The following RAB13 variants were observed in gnomAD, a reference collection of about 807,000 sequenced individuals.
RAB13 encodes ras-related protein Rab-13.
Under a neutral mutation model 29.3 loss-of-function variants are expected in RAB13, and 15 were observed. The ratio of observed to expected loss-of-function variants is 0.51; its 90% CI spans 0.34 to 0.79. The LOEUF is 0.79. Among genes scored for constraint, RAB13 ranks in the 30% least tolerant of loss-of-function variants. RAB13 has a pLI of 0.01. For synonymous variants in RAB13, 82 were observed against 93.8 expected, an observed-to-expected ratio of 0.87 and a Z score of 0.73; for missense variants, 186 against 255.5, an observed-to-expected ratio of 0.73 and a Z score of 1.85.
intron 1 of RAB13, among the ~76,000 whole-genome samples, chr1:153,985,816 AG>A (rs1411190394): frequency 6.6e-6 from 1 of 152,120 alleles, no homozygotes; most frequent in Non-Finnish European, 1.5e-5. Flanking sequence ...GTAGGGGAAG[AG>A]GGGAACAGAG....
At chr1:153,990,690 A>G, upstream of RAB13, 1 of 1,478,722 alleles carries the variant, frequency 6.8e-7, no homozygotes, top group South Asian at 1.1e-5. Flanking sequence ...CGTTCCAAAC[A>G]TGGTGGCACA....
chr1:153,982,046 G>T lies in RAB13; in HGVS notation c.*53C>A. The T allele has an allele frequency of 1.3e-6, 2 of 1,492,792 alleles. No individual in the cohort carries two copies. Among genetic ancestry groups the T allele is most frequent in the Non-Finnish European group, 1.9e-6 (2 of 1,071,136 alleles). 92.5% of individuals were successfully genotyped at this position (1,492,792 alleles called of 1,614,324 possible). Reference sequence around the variant, plus strand: ...TATTTCTCCCCTGCTCACTCCCTCTGCCGTTGTCTCCCTCAGGTTCAGCTT... The same window carrying T: ...TATTTCTCCCCTGCTCACTCCCTCTTCCGTTGTCTCCCTCAGGTTCAGCTT... On this transcript the variant is annotated 3_prime_UTR_variant, in exon 8 of 8. Coordinates refer to ENST00000368575, the MANE Select transcript of RAB13 (RefSeq NM_002870.5).
upstream of RAB13, among the ~76,000 whole-genome samples, chr1:153,989,607 T>TA (rs1453324278): frequency 6.6e-6 from 1 of 151,630 alleles, no homozygotes; most frequent in Non-Finnish European, 1.5e-5. Context: ...TATAAAAAAT[T>TA]AAAGGCCGGA....
Position 153,986,274 on chromosome 1 carries a change from G to T in RAB13, c.-38C>A. The T allele has an allele frequency of 6.4e-7, 1 of 1,565,116 alleles. No individual in the cohort carries two copies. The highest frequency in any genetic ancestry group is 1.1e-5 in the South Asian group (1 of 88,378). On this transcript the variant is annotated 5_prime_UTR_variant, in exon 1 of 8. Transcript: ENST00000368575. The stretch of plus-strand genomic sequence containing the variant: ...GGGAGCCGGGGGAGGGGTGGGGAGC[G>T]CCCGGCACTGGTAGGCGGGACTGGA...
chr1:153,982,838 T>C, intron 4 of RAB13, 30 bp from the exon 5 acceptor site: 3 of 1,611,258 alleles, frequency 1.9e-6, no homozygotes, highest in Non-Finnish European at 2.5e-6. Flanking sequence ...AAAAGTTAGG[T>C]CCTGCCGGCT....
chr1:153,984,671 T>C (rs1355653106), intron 2 of RAB13, 50 bp downstream of exon 2: 2 of 1,481,324 alleles, frequency 1.4e-6, no homozygotes, highest in Non-Finnish European at 1.9e-6. Context: ...GAAAAACGTG[T>C]AGGAGGTAAA....
At chr1:153,987,510 C>G (rs1325214194), upstream of RAB13, among the ~76,000 whole-genome samples, 1 of 65,174 alleles carries the variant, frequency 1.5e-5, no homozygotes, top group Non-Finnish European at 3.1e-5. Context: ...AGCCAGACTC[C>G]GTCTCAAAAA....
Position 153,983,242 on chromosome 1 carries a change from T to G in RAB13, c.301A>C (p.Asn101His). ...TDEKSFENIQNWMKSIKENAS... is the reference protein window; with the variant it reads ...TDEKSFENIQHWMKSIKENAS... Reference sequence around the variant, plus strand: ...ACCTCCTTGATGCTTTTCATCCAGTTCTGAATATTCTCGAAAGATTTCTCA... The same window carrying G: ...ACCTCCTTGATGCTTTTCATCCAGTGCTGAATATTCTCGAAAGATTTCTCA... Residue 101 changes from asparagine to histidine, a missense_variant, in exon 4 of 8, where the codon AAC becomes CAC. Physicochemically the swap from Asn to His is moderately conservative, Grantham distance 68 (BLOSUM62 1). Transcript: ENST00000368575. The G allele has an allele frequency of 6.2e-7, 1 of 1,614,016 alleles. No individual in the cohort carries two copies. Among genetic ancestry groups the G allele is most frequent in the Non-Finnish European group, 8.5e-7 (1 of 1,179,850 alleles).
upstream of RAB13, chr1:153,986,390 C>A: frequency 4.6e-6 from 3 of 657,794 alleles, no homozygotes; most frequent in Non-Finnish European, 2.6e-6. Context: ...GAGGCGGCAC[C>A]CCTCCGGGCT....
At position 153,983,284 on chromosome 1, in the gene RAB13, C is replaced by T. The variant is rs1232476481; in HGVS notation, c.259G>A (p.Val87Ile). ...YYRGAMGIIL[V>I]YDITDEKSFE... ...GATTTCTCATCCGTGATGTCGTATA[C>T]TAGGATAATGCCCTGGGAGATGACA... Residue 87 changes from valine to isoleucine, a missense_variant, in exon 4 of 8, where the codon GTA (valine) becomes ATA (isoleucine). By Grantham distance (29) the Val-to-Ile change is conservative. Transcript: ENST00000368575. 17 of 1,613,880 alleles carry T rather than the reference C, an allele frequency of 1.1e-5. No individual in the cohort carries two copies. The East Asian group carries it at 3.6e-4, about 34-fold the overall frequency.
intron 1 of RAB13, 174 bp downstream of exon 1, chr1:153,985,939 G>T: frequency 8.6e-7 from 1 of 1,160,326 alleles, no homozygotes; most frequent in Non-Finnish European, 1.2e-6. Context: ...GAGGTGAGAG[G>T]TTTGGTTACT....
chr1:153,990,357 C>T (rs550345632), upstream of RAB13, among the ~76,000 whole-genome samples: 1 of 152,320 alleles, frequency 6.6e-6, no homozygotes, highest in South Asian at 2.1e-4. Context: ...TGAGCCACTG[C>T]GCCCGGCCTA....
chr1:153,985,404 G>A (rs1649131948), intron 1 of RAB13: 1 of 977,180 alleles, frequency 1.0e-6, no homozygotes, highest in Non-Finnish European at 1.2e-6. Context: ...AAGGGAGGAG[G>A]GGAGACAATG....
At chr1:153,989,410 C>T (rs1426199473), upstream of RAB13, among the ~76,000 whole-genome samples, 3 of 150,696 alleles carry the variant, frequency 2.0e-5, no homozygotes, top group Non-Finnish European at 3.0e-5. Flanking sequence ...CCACCGCGCC[C>T]GGCTAATTTT....
chr1:153,990,480 T>G (rs1444615893), upstream of RAB13, among the ~76,000 whole-genome samples: 1 of 152,222 alleles, frequency 6.6e-6, no homozygotes, highest in African/African-American at 2.4e-5. Context: ...ACCTTTCCTA[T>G]TTATTAGGCT....
At position 153,986,224 on chromosome 1, in the gene RAB13, A is replaced by C; in HGVS notation, c.13T>G (p.Tyr5Asp). 1 of 1,613,000 alleles carries C rather than the reference A, an allele frequency of 6.2e-7. No homozygotes were observed. The highest frequency in any genetic ancestry group is 8.5e-7 in the Non-Finnish European group (1 of 1,179,560). The change falls in exon 1 of 8, where the codon TAC (tyrosine) becomes GAC (aspartate). Residue 5 changes from tyrosine (Y) to aspartate (D), a missense_variant. Tyr to Asp is a radical substitution (Grantham distance 160). Transcript: ENST00000368575. ...AGCAGCAACTTGAAGAGGTGGTCGTAGGCTTTGGCCATGGCGGACACCGGG... is the reference window on the plus strand; with the variant it reads ...AGCAGCAACTTGAAGAGGTGGTCGTCGGCTTTGGCCATGGCGGACACCGGG... Reference protein sequence around the residue: MAKAYDHLFKLLLIG... With the variant: MAKADDHLFKLLLIG...
intron 4 of RAB13, 109 bp downstream of exon 4, chr1:153,983,110 A>T: frequency 2.0e-6 from 2 of 998,886 alleles, no homozygotes; most frequent in Non-Finnish European, 3.2e-6. Flanking sequence ...GGGCAACAAG[A>T]GCAAAACTTC....
chr1:153,985,408 G>T (rs1367977628), intron 1 of RAB13: 16 of 975,190 alleles, frequency 1.6e-5, no homozygotes, highest in Non-Finnish European at 1.9e-5. Flanking sequence ...GAGGAGGGGA[G>T]ACAATGTTCT....
rs771845750 is a variant in RAB13 at position 153,982,094 on chromosome 1, G to A, written c.*5C>T. The A allele has an allele frequency of 2.9e-5, 46 of 1,612,834 alleles. No homozygotes were observed. Among genetic ancestry groups the A allele is most frequent in the Middle Eastern group, 3.6e-4 (2 of 5,606 alleles). The stretch of plus-strand genomic sequence containing the variant: ...CTTCCGGGGTGGGGAGGCAAGAAAG[G>A]GTCCTCAGCCCAGGGAGCACTTGTT... On this transcript the variant is annotated 3_prime_UTR_variant, in exon 8 of 8. Coordinates refer to ENST00000368575, the MANE Select transcript of RAB13 (RefSeq NM_002870.5).
Sources: gnomAD v4.1 joint callset for allele counts (sites outside exome capture counted in the v4.1 genomes callset) on GRCh38, gnomAD v4.1.1 for gene constraint, MANE v1.5 for transcripts, NCBI Gene and HGNC (gene_info 2026-07-23, HGNC 2026-07-21) for gene names.